Variants in MAN1A2 observed in about 807,000 individuals in gnomAD.
MAN1A2 encodes mannosidase alpha class 1A member 2.
In MAN1A2, 26 loss-of-function variants were observed where a neutral mutation model predicts 75.7. That is an observed-to-expected ratio of 0.34 (90% confidence interval 0.25 to 0.48). MAN1A2 has a LOEUF of 0.48. Among genes scored for constraint, MAN1A2 ranks in the 20% least tolerant of loss-of-function variants. The probability of loss-of-function intolerance (pLI) is 0.99; values close to 1 mark genes in which losing one functional copy is unlikely to be tolerated. For synonymous variants in MAN1A2, 247 were observed against 264.6 expected, an observed-to-expected ratio of 0.93 and a Z score of 0.65; for missense variants, 562 against 775.5, an observed-to-expected ratio of 0.72 and a Z score of 3.27.
chr1:117,521,724 A>G (rs574507949), intron 12 of MAN1A2, among the ~76,000 whole-genome samples: 1 of 152,128 alleles, frequency 6.6e-6, no homozygotes, highest in Admixed American at 6.6e-5. Flanking sequence ...ATTCGTGCAC[A>G]TGCATGTTTA....
intron 9 of MAN1A2, among the ~76,000 whole-genome samples, chr1:117,495,166 C>T (rs1407274960): frequency 4.0e-5 from 6 of 151,604 alleles, no homozygotes; most frequent in African/African-American, 1.5e-4. Flanking sequence ...TTTCATGAAT[C>T]ATCTGCTATA....
intron 6 of MAN1A2, among the ~76,000 whole-genome samples, chr1:117,445,876 G>GTATATATATATATATATA (rs1649213954): frequency 2.1e-5 from 2 of 97,410 alleles, no homozygotes; most frequent in South Asian, 2.9e-4. Context: ...GTGTGTGTCT[G>GTATATATATATATATATA]TGTGTGTGTA....
chr1:117,372,586 A>G (rs1296144185), intron 1 of MAN1A2, among the ~76,000 whole-genome samples: 2 of 152,204 alleles, frequency 1.3e-5, no homozygotes, highest in African/African-American at 4.8e-5. Context: ...ATAAGGATAT[A>G]TCAAATGTGT....
intron 1 of MAN1A2, among the ~76,000 whole-genome samples, chr1:117,390,776 T>C (rs1473587517): frequency 5.9e-5 from 9 of 152,088 alleles, no homozygotes; most frequent in Admixed American, 5.9e-4. Context: ...AACTTTTCTT[T>C]TTTTTTCTTC....
intron 12 of MAN1A2, among the ~76,000 whole-genome samples, chr1:117,505,231 A>G (rs1049033807): frequency 6.6e-6 from 1 of 151,290 alleles, no homozygotes; most frequent in African/African-American, 2.4e-5. Context: ...TTCTAATTTC[A>G]GTTCAAATTT....
intron 7 of MAN1A2, among the ~76,000 whole-genome samples, chr1:117,463,747 A>G (rs529658653): frequency 3.3e-4 from 50 of 152,296 alleles, no homozygotes; most frequent in African/African-American, 1.1e-3. Context: ...AATTCATACC[A>G]TAATAGAAAT....
chr1:117,526,880 C>CTCTCTCTCTCTATATATA lies in MAN1A2; in HGVS notation c.*3924_*3925insCTCTCTCTCTATATATAT. 1.0e-3 allele frequency: 56 copies of CTCTCTCTCTCTATATATA among 54,502 alleles called. No individual in the cohort carries two copies. The highest frequency in any genetic ancestry group is 2.2e-3 in the Admixed American group (9 of 4,174). The allele number at this position is 54,502 out of a possible 1,614,324, so 3.4% of individuals were successfully genotyped here. On this transcript the variant is annotated 3_prime_UTR_variant, in exon 13 of 13. Transcript: ENST00000356554. ...TCTCTCTCTCTCTCTCTCTCTCTCT[C>CTCTCTCTCTCTATATATA]TATATATATATATATATATATATAT...
intron 8 of MAN1A2, among the ~76,000 whole-genome samples, chr1:117,486,110 G>A (rs565803420): frequency 6.6e-6 from 1 of 152,044 alleles, no homozygotes; most frequent in South Asian, 2.1e-4. Context: ...ATGATACATA[G>A]TTACATATAA....
At chr1:117,426,524 C>T (rs768939138) in intron 5 of MAN1A2, among the ~76,000 whole-genome samples, 5 of 152,106 alleles carry the variant, frequency 3.3e-5, no homozygotes, top group Non-Finnish European at 5.9e-5. Flanking sequence ...GTACACCTAA[C>T]CTACCAAATA....
intron 1 of MAN1A2, among the ~76,000 whole-genome samples, chr1:117,372,432 TTTAA>T (rs1363250303): frequency 6.6e-6 from 1 of 152,354 alleles, no homozygotes; most frequent in African/African-American, 2.4e-5. Flanking sequence ...ACATACTATA[TTTAA>T]TTAATGCCCT....
rs72466659 is a variant in MAN1A2, at chr1:117,385,642, C to T, written c.303-16544C>T. On this transcript the variant is annotated intron_variant, in intron 1 of 12. Transcript: ENST00000356554. ...AAAGGCATGTGCTTAAATTTTATTC[C>T]CAGAATACTTTTCCATTTGTATTAC... Among the ~76,000 whole-genome samples the T allele has an allele frequency of 1.0e-3, 154 of 152,030 alleles. 5 individuals carry two copies. In the East Asian group the frequency reaches 0.029, roughly 29 times the overall value.
In MAN1A2 at chr1:117,368,090, C is replaced by G; in HGVS notation, c.-94C>G. Reference sequence around the variant, plus strand: ...TTAAGAGGAGCAAAATTGAGTTTTCCCATTTTGGCCAAGATTTTGAAGACA... The same window carrying G: ...TTAAGAGGAGCAAAATTGAGTTTTCGCATTTTGGCCAAGATTTTGAAGACA... On this transcript the variant is annotated 5_prime_UTR_variant, in exon 1 of 13. Coordinates refer to ENST00000356554, the MANE Select transcript of MAN1A2 (RefSeq NM_006699.5). 1 of 1,293,012 alleles carries G rather than the reference C, an allele frequency of 7.7e-7. No homozygotes were observed. Among genetic ancestry groups the G allele is most frequent in the Non-Finnish European group, 1.1e-6 (1 of 945,474 alleles). The allele number at this position is 1,293,012 out of a possible 1,614,324, so 80.1% of individuals were successfully genotyped here. A position where few individuals can be genotyped will look rare whatever the true frequency, so the allele number is the denominator to read the frequency against.
intron 12 of MAN1A2, among the ~76,000 whole-genome samples, chr1:117,508,319 CTT>C (rs975050298): frequency 4.1e-5 from 6 of 146,800 alleles, no homozygotes; most frequent in African/African-American, 1.3e-4. Flanking sequence ...GAAACATAGT[CTT>C]AACAAATTTG....
At chr1:117,466,888 A>C (rs1649998059) in intron 8 of MAN1A2, among the ~76,000 whole-genome samples, 2 of 152,206 alleles carry the variant, frequency 1.3e-5, no homozygotes, top group South Asian at 2.1e-4. Flanking sequence ...CTCTGTGCTA[A>C]GTTCTTAGAA....
intron 12 of MAN1A2, among the ~76,000 whole-genome samples, chr1:117,518,371 G>A (rs1267203952): frequency 1.3e-5 from 2 of 151,794 alleles, no homozygotes; most frequent in African/African-American, 4.8e-5. Context: ...ATAAAAACAT[G>A]GTAACAGAAA....
At chr1:117,479,330 T>C (rs1371397823) in intron 8 of MAN1A2, among the ~76,000 whole-genome samples, 1 of 152,052 alleles carries the variant, frequency 6.6e-6, no homozygotes, top group Non-Finnish European at 1.5e-5. Context: ...CCACATTTTC[T>C]TTATGCAGTG....
intron 8 of MAN1A2, among the ~76,000 whole-genome samples, chr1:117,491,463 G>T (rs2101871721): frequency 6.6e-6 from 1 of 152,060 alleles, no homozygotes; most frequent in Admixed American, 6.6e-5. Context: ...GAACTGCTAA[G>T]CAAAAAAGAT....
chr1:117,517,719 C>CA (rs1337803376), intron 12 of MAN1A2, among the ~76,000 whole-genome samples: 1 of 151,664 alleles, frequency 6.6e-6, no homozygotes, highest in African/African-American at 2.4e-5. Context: ...GGTGGACCCC[C>CA]AAAAAAACCC....
At chr1:117,377,612 A>T (rs1374403752) in intron 1 of MAN1A2, among the ~76,000 whole-genome samples, 1 of 152,302 alleles carries the variant, frequency 6.6e-6, no homozygotes, top group East Asian at 1.9e-4. Flanking sequence ...AGTGACCTAG[A>T]TGTCTGTCAG....
Sources: gnomAD v4.1 joint callset for allele counts (sites outside exome capture counted in the v4.1 genomes callset) on GRCh38, gnomAD v4.1.1 for gene constraint, MANE v1.5 for transcripts, NCBI Gene and HGNC (gene_info 2026-07-23, HGNC 2026-07-21) for gene names.